CACNA2D1: variants seen among roughly 807,000 people sequenced by gnomAD.
CACNA2D1 encodes the protein calcium voltage-gated channel auxiliary subunit alpha2delta 1, also known as voltage-dependent calcium channel subunit alpha-2/delta-1.
In CACNA2D1, 53 loss-of-function variants were observed where a neutral mutation model predicts 171.5. The observed-to-expected ratio is 0.31, with a 90% CI of 0.25 to 0.39. The LOEUF is 0.39. Ranked by LOEUF, CACNA2D1 falls within the 10% of genes least tolerant of loss-of-function variation. The pLI is 1.00. For missense variants in CACNA2D1, 903 were observed against 1,299.8 expected, an observed-to-expected ratio of 0.69 and a Z score of 4.69; for synonymous variants, 442 against 443.1, an observed-to-expected ratio of 1.00 and a Z score of 0.03.
intron 7 of CACNA2D1, among the ~76,000 whole-genome samples, chr7:82,079,870 T>TA (rs1357221131): frequency 1.3e-5 from 2 of 152,132 alleles, no homozygotes; most frequent in South Asian, 4.2e-4. Context: ...TGACTTTAGT[T>TA]AATGATGATA....
At chr7:82,355,892 T>C (rs1413213659) in intron 1 of CACNA2D1, among the ~76,000 whole-genome samples, 1 of 152,044 alleles carries the variant, frequency 6.6e-6, no homozygotes, top group East Asian at 1.9e-4. Context: ...ATTTGATCAT[T>C]TCATCCAGAT....
chr7:82,205,126 C>T (rs945592006), intron 3 of CACNA2D1, among the ~76,000 whole-genome samples: 3 of 152,166 alleles, frequency 2.0e-5, no homozygotes, highest in African/African-American at 7.2e-5. Flanking sequence ...TGTCAAAACT[C>T]CCTATGATTC....
chr7:82,094,322 A>G (rs1811602158), intron 6 of CACNA2D1, among the ~76,000 whole-genome samples: 1 of 152,176 alleles, frequency 6.6e-6, no homozygotes, highest in African/African-American at 2.4e-5. Context: ...GAATGAACTC[A>G]AGCACTATTT....
chr7:82,317,319 T>C (rs1045344699), intron 3 of CACNA2D1, among the ~76,000 whole-genome samples: 11 of 152,196 alleles, frequency 7.2e-5, no homozygotes, highest in African/African-American at 2.7e-4. Context: ...GGATGCCTAC[T>C]TATGTGGCAA....
intron 6 of CACNA2D1, among the ~76,000 whole-genome samples, chr7:82,086,395 G>A (rs964970848): frequency 2.0e-5 from 3 of 152,068 alleles, no homozygotes; most frequent in Non-Finnish European, 4.4e-5. Context: ...TTATGGATGC[G>A]ATTACTTTCA....
At chr7:82,345,383 C>A in intron 2 of CACNA2D1, among the ~76,000 whole-genome samples, 1 of 152,144 alleles carries the variant, frequency 6.6e-6, no homozygotes, top group East Asian at 1.9e-4. Context: ...GGCAATGCCA[C>A]TGTAGAATGG....
chr7:82,007,395 CT>C (rs1799234571), intron 16 of CACNA2D1, among the ~76,000 whole-genome samples: 1 of 152,104 alleles, frequency 6.6e-6, no homozygotes, highest in Non-Finnish European at 1.5e-5. Flanking sequence ...CACAATATTA[CT>C]GTCCATTTAT....
intron 15 of CACNA2D1, among the ~76,000 whole-genome samples, chr7:82,008,934 A>G (rs562068857): frequency 6.6e-6 from 1 of 152,270 alleles, no homozygotes; most frequent in South Asian, 2.1e-4. Context: ...ATACCAAATT[A>G]TTTGCAGCAA....
chr7:82,379,040 T>C (rs1324042965), intron 1 of CACNA2D1, among the ~76,000 whole-genome samples: 1 of 151,764 alleles, frequency 6.6e-6, no homozygotes, highest in African/African-American at 2.4e-5. Context: ...GTATTATAGA[T>C]TTTAAATTTA....
intron 1 of CACNA2D1, among the ~76,000 whole-genome samples, chr7:82,396,226 G>A (rs1342671259): frequency 6.6e-6 from 1 of 152,048 alleles, no homozygotes; most frequent in Admixed American, 6.6e-5. Flanking sequence ...GTTCACACCT[G>A]TAATCCCAGC....
intron 3 of CACNA2D1, among the ~76,000 whole-genome samples, chr7:82,276,555 T>C (rs1160469578): frequency 6.6e-6 from 1 of 152,160 alleles, no homozygotes; most frequent in South Asian, 2.1e-4. Context: ...CTCCCCAGTC[T>C]GGCTCTTAAT....
chr7:82,017,596 C>T (rs548965297), intron 12 of CACNA2D1, among the ~76,000 whole-genome samples: 16 of 149,360 alleles, frequency 1.1e-4, no homozygotes, highest in African/African-American at 4.0e-4. Context: ...GATTGATACC[C>T]TGCTTCTTCA....
At chr7:81,983,653 A>G (rs2130652022) in intron 22 of CACNA2D1, among the ~76,000 whole-genome samples, 1 of 152,270 alleles carries the variant, frequency 6.6e-6, no homozygotes, top group Non-Finnish European at 1.5e-5. Flanking sequence ...CTAATCAAAG[A>G]CTCACGAGTT....
chr7:81,971,687 T>C, intron 26 of CACNA2D1, 90 bp downstream of exon 26: 1 of 770,082 alleles, frequency 1.3e-6, no homozygotes, highest in South Asian at 1.5e-5. Flanking sequence ...TAATGAACTG[T>C]AAATTTATGA....
rs539726412 is a variant in CACNA2D1 at position 82,200,046 on chromosome 7, T to A, written c.295-29437A>T. Among the ~76,000 whole-genome samples the A allele has an allele frequency of 1.4e-3, 212 of 152,188 alleles. 2 individuals are homozygous for A. The highest frequency in any genetic ancestry group is 4.9e-3 in the African/African-American group (204 of 41,578). The stretch of plus-strand genomic sequence containing the variant: ...AAAAACACACCTATAGGACAGAAAT[T>A]GGAATAGCATTTTCCTGGGTTGGAG... On this transcript the variant is annotated intron_variant, in intron 3 of 38. Transcript: ENST00000356860.
At chr7:82,349,756 A>C in intron 1 of CACNA2D1, 107 bp from the exon 2 acceptor site, 1 of 905,098 alleles carries the variant, frequency 1.1e-6, no homozygotes, top group Non-Finnish European at 1.8e-6. Context: ...ATGCCCTTAA[A>C]TTATTCCTCT....
At chr7:82,267,109 C>A (rs2129342694) in intron 3 of CACNA2D1, among the ~76,000 whole-genome samples, 1 of 152,184 alleles carries the variant, frequency 6.6e-6, no homozygotes, top group East Asian at 1.9e-4. Flanking sequence ...TTAAAACTGG[C>A]AAATCAATTT....
chr7:82,341,981 G>C (rs905286618), intron 2 of CACNA2D1, among the ~76,000 whole-genome samples: 11 of 148,972 alleles, frequency 7.4e-5, no homozygotes, highest in Non-Finnish European at 5.9e-5. Flanking sequence ...GTGAACCTGG[G>C]AGGCGGAGCT....
At chr7:82,065,115 A>G (rs899809044) in intron 8 of CACNA2D1, among the ~76,000 whole-genome samples, 27 of 151,864 alleles carry the variant, frequency 1.8e-4, no homozygotes, top group Non-Finnish European at 3.8e-4. Flanking sequence ...CCTGACATCA[A>G]TTTTTTTACT....
Sources: allele counts gnomAD v4.1 joint callset (sites outside exome capture counted in the v4.1 genomes callset), GRCh38; gene constraint gnomAD v4.1.1; transcripts MANE v1.5; gene names NCBI Gene and HGNC (gene_info 2026-07-23, HGNC 2026-07-21).